AGBL1: variants seen among roughly 807,000 people sequenced by gnomAD.
The protein encoded by AGBL1 is AGBL carboxypeptidase 1.
Under a neutral mutation model 118.9 loss-of-function variants are expected in AGBL1, and 130 were observed. That is an observed-to-expected ratio of 1.09 (90% CI 0.95 to 1.26). The LOEUF (loss-of-function observed/expected upper bound fraction) is 1.26. Among genes scored for constraint, AGBL1 ranks in the 50% most tolerant of loss-of-function variants. The probability of loss-of-function intolerance (pLI) is 0.00; values close to 1 mark genes in which losing one functional copy is unlikely to be tolerated. For missense variants in AGBL1, 1,584 were observed against 1,298.1 expected (o/e 1.22, Z -3.38); for synonymous variants, 555 against 478.9 (o/e 1.16, Z -2.08).
chr15:86,645,310 G>A (rs1466031013), intron 21 of AGBL1, among the ~76,000 whole-genome samples: 1 of 152,244 alleles, frequency 6.6e-6, no homozygotes, highest in Non-Finnish European at 1.5e-5. Flanking sequence ...GCAGGGAAGT[G>A]TGGCAAAATG....
At chr15:86,128,579 C>T (rs945424419) in intron 1 of AGBL1, among the ~76,000 whole-genome samples, 2 of 152,240 alleles carry the variant, frequency 1.3e-5, no homozygotes, top group Non-Finnish European at 2.9e-5. Flanking sequence ...AGGCGCCCCA[C>T]CTCGCATGGT....
intron 22 of AGBL1, among the ~76,000 whole-genome samples, chr15:86,818,280 G>C (rs1335353953): frequency 6.6e-6 from 1 of 152,156 alleles, no homozygotes; most frequent in East Asian, 1.9e-4. Flanking sequence ...TCTGTGGCCT[G>C]TTAGGAACCA....
intron 21 of AGBL1, among the ~76,000 whole-genome samples, chr15:86,616,248 A>T (rs1248867740): frequency 6.6e-6 from 1 of 151,768 alleles, no homozygotes; most frequent in Non-Finnish European, 1.5e-5. Context: ...GAGGCAGGAG[A>T]ATCGCTTGAA....
chr15:86,245,499 G>A (rs1165027231), intron 6 of AGBL1, among the ~76,000 whole-genome samples: 4 of 152,174 alleles, frequency 2.6e-5, no homozygotes. Flanking sequence ...GAGCCAAGAG[G>A]GCCAGGCATC....
At chr15:86,662,234 G>A (rs554871733) in intron 21 of AGBL1, among the ~76,000 whole-genome samples, 17 of 152,336 alleles carry the variant, frequency 1.1e-4, no homozygotes, top group Non-Finnish European at 2.5e-4. Context: ...ATGCCTCTGT[G>A]TGTAATATTA....
intron 22 of AGBL1, among the ~76,000 whole-genome samples, chr15:86,718,697 G>C (rs921714704): frequency 1.6e-4 from 25 of 152,116 alleles, no homozygotes; most frequent in African/African-American, 5.6e-4. Flanking sequence ...AACAATGCTT[G>C]AAAAATCTGA....
chr15:86,182,534 T>A (rs938433166), intron 5 of AGBL1, among the ~76,000 whole-genome samples: 10 of 152,268 alleles, frequency 6.6e-5, no homozygotes, highest in Admixed American at 6.5e-4. Flanking sequence ...CCCTAGAATA[T>A]TCTCGAGAAT....
intron 1 of AGBL1, among the ~76,000 whole-genome samples, chr15:86,080,502 C>T (rs974213042): frequency 6.6e-6 from 1 of 152,094 alleles, no homozygotes; most frequent in East Asian, 1.9e-4. Context: ...CCTGGGATGC[C>T]GACTATCAGT....
intron 7 of AGBL1, among the ~76,000 whole-genome samples, chr15:86,250,577 G>A (rs1193178376): frequency 8.3e-6 from 1 of 121,032 alleles, no homozygotes; most frequent in Non-Finnish European, 1.6e-5. Context: ...AAAAAAAGGT[G>A]TGCTCTTCCA....
At chr15:86,469,149 G>A (rs1442169222) in intron 18 of AGBL1, among the ~76,000 whole-genome samples, 1 of 151,942 alleles carries the variant, frequency 6.6e-6, no homozygotes, top group Non-Finnish European at 1.5e-5. Flanking sequence ...ATTAACTATA[G>A]GCACCTTGAA....
At chr15:86,459,133 T>C (rs2082298246) in intron 18 of AGBL1, among the ~76,000 whole-genome samples, 3 of 152,188 alleles carry the variant, frequency 2.0e-5, no homozygotes, top group Admixed American at 6.5e-5. Flanking sequence ...ACATGGAGCA[T>C]GTGTATGTGC....
intron 22 of AGBL1, among the ~76,000 whole-genome samples, chr15:86,722,033 C>G (rs2142723726): frequency 6.6e-6 from 1 of 152,148 alleles, no homozygotes; most frequent in Non-Finnish European, 1.5e-5. Context: ...AAGAACATTC[C>G]ATGCTCATGG....
chr15:86,468,187 C>T (rs1596151922), intron 18 of AGBL1, among the ~76,000 whole-genome samples: 1 of 152,114 alleles, frequency 6.6e-6, no homozygotes, highest in South Asian at 2.1e-4. Flanking sequence ...TGCATGTCTG[C>T]TTCTCCTCCT....
chr15:86,488,138 C>A (rs975389833), intron 18 of AGBL1, among the ~76,000 whole-genome samples: 4 of 151,976 alleles, frequency 2.6e-5, no homozygotes, highest in Non-Finnish European at 5.9e-5. Context: ...TGATGGCAAC[C>A]CAGCTGTAGC....
intron 24 of AGBL1, among the ~76,000 whole-genome samples, chr15:87,007,985 GA>G (rs2081521616): frequency 6.6e-6 from 1 of 152,230 alleles, no homozygotes; most frequent in Admixed American, 6.5e-5. Context: ...AGAAAATTTG[GA>G]TTATTCATTG....
In AGBL1 at chr15:86,647,755, A is replaced by G. The variant is rs542227511; in HGVS notation, c.2995-26518A>G. 5.9e-5 allele frequency among the ~76,000 whole-genome samples: 9 copies of G among 152,328 alleles called. No individual in the cohort carries two copies. In the South Asian group the frequency reaches 1.2e-3, roughly 21 times the overall value. ...CCAATATACAATGCACAATAAATGC[A>G]TGAATCATATAGATTACTAGAAGGT... On this transcript the variant is annotated intron_variant, in intron 21 of 22. Transcript: ENST00000614907.
chr15:86,898,592 T>C (rs2080166474), intron 22 of AGBL1, among the ~76,000 whole-genome samples: 1 of 152,116 alleles, frequency 6.6e-6, no homozygotes, highest in East Asian at 1.9e-4. Context: ...CAAAAGAAAC[T>C]ATCAACACAG....
chr15:86,130,244 C>T (rs111416765), intron 1 of AGBL1, among the ~76,000 whole-genome samples: 4 of 152,188 alleles, frequency 2.6e-5, no homozygotes, highest in Admixed American at 6.6e-5. Context: ...GATGAACATA[C>T]ACTACCACTT....
At chr15:86,548,964 C>G (rs1237898632) in intron 20 of AGBL1, among the ~76,000 whole-genome samples, 1 of 151,856 alleles carries the variant, frequency 6.6e-6, no homozygotes, top group Admixed American at 6.6e-5. Context: ...AGAACAGAGC[C>G]AGGAAAAGAG....
Sources: allele counts gnomAD v4.1 joint callset (sites outside exome capture counted in the v4.1 genomes callset), GRCh38; gene constraint gnomAD v4.1.1; transcripts MANE v1.5; gene names NCBI Gene and HGNC (gene_info 2026-07-23, HGNC 2026-07-21).